The following SORCS3 variants were observed in gnomAD, a reference collection of about 807,000 sequenced individuals.
SORCS3 encodes the protein VPS10 domain-containing receptor SorCS3.
Under a neutral mutation model 146.3 loss-of-function variants are expected in SORCS3, and 57 were observed. The ratio of observed to expected loss-of-function variants is 0.39; its 90% CI spans 0.31 to 0.49. SORCS3 has a LOEUF of 0.49. Among genes scored for constraint, SORCS3 ranks in the 20% least tolerant of loss-of-function variants. The probability of loss-of-function intolerance (pLI) is 0.92; values close to 1 mark genes in which losing one functional copy is unlikely to be tolerated. For missense variants in SORCS3, 1,341 were observed against 1,575.5 expected (o/e 0.85, Z 2.52); for synonymous variants, 653 against 618.5 (o/e 1.06, Z -0.83).
intron 2 of SORCS3, among the ~76,000 whole-genome samples, chr10:104,859,525 A>G (rs1231150288): frequency 2.6e-5 from 4 of 152,234 alleles, no homozygotes; most frequent in African/African-American, 9.6e-5. Context: ...CTTCATGTCT[A>G]AAACACCAAA....
chr10:105,059,397 T>C (rs2133716717), intron 5 of SORCS3, among the ~76,000 whole-genome samples: 1 of 152,318 alleles, frequency 6.6e-6, no homozygotes, highest in South Asian at 2.1e-4. Context: ...AAATGCTATA[T>C]TGTTTTAGAC....
Position 105,223,143 on chromosome 10 carries a change from T to C in SORCS3, c.2762T>C (p.Val921Ala). ...CCTGTGGAGCATGTTCATCTCCGAG[T>C]TCCATTTGTTGCCATAAGAAATAAG... ...VCPVEHVHLR[V>A]PFVAIRNKEV... The change falls in exon 20 of 27, where the codon GTT becomes GCT. Residue 921 changes from valine (V) to alanine (A), a missense_variant. By Grantham distance (64) the Val-to-Ala change is moderately conservative. Transcript: ENST00000369701. 6.2e-7 allele frequency: 1 copy of C among 1,611,538 alleles called. No individual in the cohort carries two copies. The highest frequency in any genetic ancestry group is 8.5e-7 in the Non-Finnish European group (1 of 1,178,112).
At chr10:104,882,357 T>C (rs1458844906) in intron 2 of SORCS3, among the ~76,000 whole-genome samples, 1 of 152,168 alleles carries the variant, frequency 6.6e-6, no homozygotes, top group Non-Finnish European at 1.5e-5. Flanking sequence ...TCAAAAGAAA[T>C]CTCCTGGCTT....
In SORCS3 at chr10:105,264,000, G is replaced by A. The variant is rs2056976893; in HGVS notation, c.*626G>A. 1.3e-5 allele frequency: 2 copies of A among 152,578 alleles called. No homozygotes were observed. The highest frequency in any genetic ancestry group is 2.4e-5 in the African/African-American group (1 of 41,432). The allele number at this position is 152,578 out of a possible 1,614,324, so 9.5% of individuals were successfully genotyped here. On this transcript the variant is annotated 3_prime_UTR_variant, in exon 27 of 27. Coordinates refer to ENST00000369701, the MANE Select transcript of SORCS3 (RefSeq NM_014978.3). ...AGAAAAAAGAAAGATGCGTGTGTTG[G>A]CTTACGCACTGGCCCTCAGAGCTGA...
intron 1 of SORCS3, among the ~76,000 whole-genome samples, chr10:104,775,411 A>G (rs2017297174): frequency 6.6e-6 from 1 of 152,348 alleles, no homozygotes; most frequent in Non-Finnish European, 1.5e-5. Context: ...GCAAAGATGT[A>G]TATAAGTCAA....
rs2306656 is a variant in SORCS3, at chr10:105,256,676, C to T, written c.3338-143C>T. The T allele has an allele frequency of 1.9e-4, 122 of 633,730 alleles. 1 individual carries two copies. In the East Asian group the frequency reaches 3.3e-3, roughly 17 times the overall value. The allele number at this position is 633,730 out of a possible 1,614,324, so 39.3% of individuals were successfully genotyped here. Reference sequence around the variant, plus strand: ...GCCATCATTGAAGCCAGACTTTCTGCACCCAGATATCAGGCAGGGGAATTG... The same window carrying T: ...GCCATCATTGAAGCCAGACTTTCTGTACCCAGATATCAGGCAGGGGAATTG... On this transcript the variant is annotated intron_variant, in intron 24 of 26. Coordinates refer to ENST00000369701, the MANE Select transcript of SORCS3 (RefSeq NM_014978.3).
At chr10:104,933,759 A>C (rs2019233277) in intron 3 of SORCS3, among the ~76,000 whole-genome samples, 1 of 151,948 alleles carries the variant, frequency 6.6e-6, no homozygotes. Flanking sequence ...ATGTGTGTCC[A>C]CTCCACCTAT....
intron 3 of SORCS3, among the ~76,000 whole-genome samples, chr10:104,929,474 C>T (rs935372306): frequency 2.6e-5 from 4 of 152,218 alleles, no homozygotes; most frequent in African/African-American, 9.7e-5. Flanking sequence ...CAAACTCCTC[C>T]TGCATCCCTC....
At chr10:104,732,442 C>T (rs545369580) in intron 1 of SORCS3, among the ~76,000 whole-genome samples, 1 of 152,150 alleles carries the variant, frequency 6.6e-6, no homozygotes, top group African/African-American at 2.4e-5. Flanking sequence ...GACGACACTG[C>T]TTTTAAAGAT....
At chr10:105,012,468 G>T (rs949112419) in intron 4 of SORCS3, among the ~76,000 whole-genome samples, 2 of 152,054 alleles carry the variant, frequency 1.3e-5, no homozygotes, top group Non-Finnish European at 2.9e-5. Context: ...GGTTGATAAT[G>T]TTGAAGGTTC....
intron 5 of SORCS3, among the ~76,000 whole-genome samples, chr10:105,088,386 C>T (rs2055677669): frequency 6.6e-6 from 1 of 152,166 alleles, no homozygotes; most frequent in Non-Finnish European, 1.5e-5. Flanking sequence ...TTTATTCAGC[C>T]TCTTTGGGGA....
chr10:104,679,419 A>G (rs992432331), intron 1 of SORCS3, among the ~76,000 whole-genome samples: 1 of 152,208 alleles, frequency 6.6e-6, no homozygotes, highest in Non-Finnish European at 1.5e-5. Flanking sequence ...ACATAGAGTT[A>G]CTTGTCTCAT....
At chr10:105,057,415 T>C (rs1285336044) in intron 5 of SORCS3, among the ~76,000 whole-genome samples, 1 of 152,134 alleles carries the variant, frequency 6.6e-6, no homozygotes, top group Admixed American at 6.6e-5. Flanking sequence ...AGGTTGTCTT[T>C]CCTTAGTGCC....
chr10:105,240,571 A>C (rs78601603), intron 20 of SORCS3, among the ~76,000 whole-genome samples: 290 of 152,294 alleles, frequency 1.9e-3, no homozygotes, highest in Non-Finnish European at 3.5e-3. Context: ...TATTCATTTC[A>C]AAGTAAATTT....
chr10:104,751,578 T>C (rs1278484834), intron 1 of SORCS3, among the ~76,000 whole-genome samples: 3 of 151,868 alleles, frequency 2.0e-5, no homozygotes, highest in Admixed American at 6.6e-5. Context: ...GCACGGTGAG[T>C]GAATGAGAGA....
intron 4 of SORCS3, among the ~76,000 whole-genome samples, chr10:105,038,909 A>G (rs1036557147): frequency 6.6e-6 from 1 of 152,148 alleles, no homozygotes; most frequent in Non-Finnish European, 1.5e-5. Flanking sequence ...AGTAATATTT[A>G]TTTATAATAA....
intron 1 of SORCS3, among the ~76,000 whole-genome samples, chr10:104,763,702 A>G (rs911319860): frequency 1.3e-5 from 2 of 152,146 alleles, no homozygotes; most frequent in African/African-American, 4.8e-5. Context: ...AAAGTTATTA[A>G]TTGATATTGT....
chr10:105,136,806 T>G (rs2056061778), intron 7 of SORCS3, among the ~76,000 whole-genome samples: 1 of 152,170 alleles, frequency 6.6e-6, no homozygotes, highest in Admixed American at 6.6e-5. Flanking sequence ...CAGAGGTACT[T>G]GGAGACCCCA....
chr10:104,736,551 GT>G (rs570749826), intron 1 of SORCS3, among the ~76,000 whole-genome samples: 60 of 152,252 alleles, frequency 3.9e-4, no homozygotes, highest in African/African-American at 1.2e-3. Flanking sequence ...AACCGTCATG[GT>G]TTTGGATATT....
Sources: gnomAD v4.1 joint callset for allele counts (sites outside exome capture counted in the v4.1 genomes callset) on GRCh38, gnomAD v4.1.1 for gene constraint, MANE v1.5 for transcripts, NCBI Gene and HGNC (gene_info 2026-07-23, HGNC 2026-07-21) for gene names.